Variants in FGF13 observed in about 807,000 individuals in gnomAD.
FGF13 encodes fibroblast growth factor 13.
FGF13 carries 2 observed loss-of-function variants against 19.5 expected under a neutral mutation model. The ratio of observed to expected loss-of-function variants is 0.10; its 90% CI spans 0.04 to 0.32. FGF13 has a LOEUF of 0.32. FGF13 is among the 10% of genes least tolerant of loss of function. The probability of loss-of-function intolerance (pLI) is 1.00; values close to 1 mark genes in which losing one functional copy is unlikely to be tolerated. For missense variants in FGF13, 113 were observed against 192.7 expected (o/e 0.59, Z 2.45); for synonymous variants, 72 against 76.9 (o/e 0.94, Z 0.33).
chrX:138,951,489 T>A (rs1368603578), intron 1 of FGF13, among the ~76,000 whole-genome samples: 2 of 110,812 alleles, frequency 1.8e-5, no homozygotes, highest in African/African-American at 6.5e-5. Context: ...GAAAAAATAT[T>A]CAAAAAAAAT....
Position 139,068,562 on chromosome X carries a change from T to G in FGF13, c.-113+134854A>C, listed in dbSNP as rs191438934. Among the ~76,000 whole-genome samples the G allele has an allele frequency of 4.5e-3, 504 of 110,799 alleles. 2 individuals are homozygous for G. Among genetic ancestry groups the G allele is most frequent in the African/African-American group, 0.016 (477 of 30,211 alleles). On this transcript the variant is annotated intron_variant, in intron 1 of 2. Transcript: ENST00000421460. ...CTCGATGGGGATGGCATTGAATCTG[T>G]ACATTACCTTGGGCAGTATGGCCAT... is the stretch of plus-strand genomic sequence containing the variant.
At chrX:138,978,199 T>A (rs781487411) in intron 1 of FGF13, among the ~76,000 whole-genome samples, 1 of 110,658 alleles carries the variant, frequency 9.0e-6, no homozygotes, top group African/African-American at 3.3e-5. Flanking sequence ...CTCTGCCTCA[T>A]AACTTGCCTC....
chrX:138,879,548 G>A (rs912298360), intron 1 of FGF13, among the ~76,000 whole-genome samples: 1 of 111,408 alleles, frequency 9.0e-6, no homozygotes, highest in African/African-American at 3.3e-5. Flanking sequence ...GGGGGTACAT[G>A]TGCAGAATGT....
At chrX:139,183,698 G>T (rs1473369485) in intron 1 of FGF13, among the ~76,000 whole-genome samples, 1 of 111,908 alleles carries the variant, frequency 8.9e-6, no homozygotes, top group Non-Finnish European at 1.9e-5. Flanking sequence ...ACAGCCCACA[G>T]AACCATGAGC....
intron 1 of FGF13, among the ~76,000 whole-genome samples, chrX:139,189,284 T>C (rs1035502330): frequency 9.0e-6 from 1 of 111,170 alleles, no homozygotes; most frequent in African/African-American, 3.3e-5. Flanking sequence ...ACTGAGAAAA[T>C]AAATTGAGTA....
intron 1 of FGF13, among the ~76,000 whole-genome samples, chrX:138,960,089 G>A (rs935762674): frequency 4.5e-5 from 5 of 111,820 alleles, no homozygotes; most frequent in Non-Finnish European, 9.4e-5. Flanking sequence ...TATTTTGCTC[G>A]TTAGTTGATG....
chrX:139,073,264 G>A (rs1036862800), intron 1 of FGF13, among the ~76,000 whole-genome samples: 5 of 109,584 alleles, frequency 4.6e-5, no homozygotes, highest in Non-Finnish European at 9.5e-5. Context: ...AGTGCAAAGA[G>A]CATATCTTTT....
intron 3 of FGF13, among the ~76,000 whole-genome samples, chrX:138,669,568 T>G (rs1402304101): frequency 9.0e-6 from 1 of 111,381 alleles, no homozygotes; most frequent in Non-Finnish European, 1.9e-5. Flanking sequence ...GTTTGAAATG[T>G]GATACCTTTG....
At chrX:139,018,371 C>T (rs2092162888) in intron 1 of FGF13, among the ~76,000 whole-genome samples, 1 of 111,595 alleles carries the variant, frequency 9.0e-6, no homozygotes, top group African/African-American at 3.3e-5. Context: ...GTGCAGCTTG[C>T]ATTAAAGACA....
At chrX:138,740,816 T>C (rs929877490), upstream of FGF13, among the ~76,000 whole-genome samples, 4 of 112,568 alleles carry the variant, frequency 3.6e-5, no homozygotes, top group Admixed American at 3.7e-4. Flanking sequence ...ATTTTGAAAC[T>C]AACAATTTTT....
At chrX:138,709,688 A>G (rs945993003) in intron 1 of FGF13, among the ~76,000 whole-genome samples, 1 of 112,296 alleles carries the variant, frequency 8.9e-6, no homozygotes, top group African/African-American at 3.2e-5. Flanking sequence ...ACCATAGATC[A>G]ATCAAGTGTC....
At chrX:139,148,619 A>T (rs1240731989) in intron 1 of FGF13, among the ~76,000 whole-genome samples, 1 of 109,862 alleles carries the variant, frequency 9.1e-6, no homozygotes, top group African/African-American at 3.3e-5. Context: ...AAAAAAAAAA[A>T]AAAAAGGAAA....
intron 1 of FGF13, among the ~76,000 whole-genome samples, chrX:138,719,110 C>T (rs1474486524): frequency 8.9e-6 from 1 of 112,168 alleles, no homozygotes; most frequent in East Asian, 2.8e-4. Flanking sequence ...GTATACAAGG[C>T]CAGACCTTTA....
chrX:138,714,914 T>A (rs2090087504), upstream of FGF13: 1 of 111,702 alleles, frequency 9.0e-6, no homozygotes, highest in Admixed American at 9.5e-5. Flanking sequence ...GTAGGGGAAG[T>A]AATAAAGAAT....
Position 138,635,671 on chromosome X carries a change from A to G in FGF13, c.403-16T>C, listed in dbSNP as rs773033417. 4 of 1,178,327 alleles carry G rather than the reference A, an allele frequency of 3.4e-6. No individual in the cohort carries two copies. On this transcript the variant is annotated splice_polypyrimidine_tract_variant and intron_variant, in intron 3 of 4. Coordinates refer to ENST00000315930, the MANE Select transcript of FGF13 (RefSeq NM_004114.5). The stretch of plus-strand genomic sequence containing the variant: ...TGAAAAGTTCCTGCAACAAAAGTAA[A>G]TAAACAAAAGTTCAGTGTTTATAGC...
At chrX:138,633,105 T>A (rs564299009) in intron 4 of FGF13, 119 bp from the exon 5 acceptor site, 1 of 699,891 alleles carries the variant, frequency 1.4e-6, no homozygotes, top group East Asian at 3.6e-5. Context: ...GTATGTGAGG[T>A]AATGCATATG....
At chrX:139,024,979 A>G (rs2092195530) in intron 1 of FGF13, among the ~76,000 whole-genome samples, 1 of 110,674 alleles carries the variant, frequency 9.0e-6, no homozygotes, top group Non-Finnish European at 1.9e-5. Flanking sequence ...CCATCCTGTC[A>G]TCACTCTCAA....
chrX:138,652,927 C>T (rs976958446), intron 3 of FGF13, among the ~76,000 whole-genome samples: 22 of 112,114 alleles, frequency 2.0e-4, no homozygotes, highest in African/African-American at 6.5e-4. Flanking sequence ...ATCAGAAATG[C>T]CAACTCCTTG....
intron 1 of FGF13, among the ~76,000 whole-genome samples, chrX:138,892,993 G>C (rs757569087): frequency 9.2e-6 from 1 of 109,071 alleles, no homozygotes; most frequent in African/African-American, 3.3e-5. Context: ...GGGAGGGAGA[G>C]AGAGGAAGAT....
Sources: gnomAD v4.1 joint callset for allele counts (sites outside exome capture counted in the v4.1 genomes callset) on GRCh38, gnomAD v4.1.1 for gene constraint, MANE v1.5 for transcripts, NCBI Gene and HGNC (gene_info 2026-07-23, HGNC 2026-07-21) for gene names.